RIMBP2: variants seen among roughly 807,000 people sequenced by gnomAD.
The protein encoded by RIMBP2 is RIMS-binding protein 2.
RIMBP2 carries 48 observed loss-of-function variants against 118.6 expected under a neutral mutation model. The ratio of observed to expected loss-of-function variants is 0.40; its 90% confidence interval spans 0.32 to 0.51. RIMBP2 has a LOEUF of 0.51. Among genes scored for constraint, RIMBP2 ranks in the 20% least tolerant of loss-of-function variants. The probability of loss-of-function intolerance (pLI) is 0.41; values close to 1 mark genes in which losing one functional copy is unlikely to be tolerated. For missense variants in RIMBP2, 1,551 were observed against 1,768.3 expected (o/e 0.88, Z 2.20); for synonymous variants, 762 against 742.9 (o/e 1.03, Z -0.42).
intron 1 of RIMBP2, among the ~76,000 whole-genome samples, chr12:130,697,799 G>A (rs920264618): frequency 2.6e-5 from 4 of 152,284 alleles, no homozygotes; most frequent in East Asian, 1.9e-4. Context: ...TCCAGCCTGG[G>A]CCACAAAGCA....
At chr12:130,548,161 C>T (rs113049990) in intron 2 of RIMBP2, among the ~76,000 whole-genome samples, 26 of 152,136 alleles carry the variant, frequency 1.7e-4, no homozygotes, top group African/African-American at 6.0e-4. Context: ...GACAAGAAGC[C>T]CACGGCTTGT....
In RIMBP2 at chr12:130,461,481, C is replaced by T. The variant is rs530748153; in HGVS notation, c.154-4781G>A. Among the ~76,000 whole-genome samples, 11 of 152,286 alleles carry T rather than the reference C, an allele frequency of 7.2e-5. No homozygotes were observed. In the East Asian group the frequency reaches 2.1e-3, roughly 30 times the overall value. On this transcript the variant is annotated intron_variant, in intron 6 of 22. Transcript: ENST00000690449. ...GCTAAAGCTTCTGGTTTCCCAGGAG[C>T]AGCAGGGCATTGTCCCCTCCACATC...
intron 3 of RIMBP2, among the ~76,000 whole-genome samples, chr12:130,508,035 G>T (rs1250296235): frequency 6.6e-6 from 1 of 152,138 alleles, no homozygotes; most frequent in Admixed American, 6.5e-5. Flanking sequence ...ATGCCATTTT[G>T]CTGCAACGTG....
At chr12:130,685,172 C>T (rs1197372438) in intron 1 of RIMBP2, among the ~76,000 whole-genome samples, 5 of 152,156 alleles carry the variant, frequency 3.3e-5, no homozygotes, top group African/African-American at 9.7e-5. Flanking sequence ...CTCTCTCTAG[C>T]CCCACTCTGC....
chr12:130,502,034 T>G (rs1007762054), intron 4 of RIMBP2, among the ~76,000 whole-genome samples: 1 of 152,142 alleles, frequency 6.6e-6, no homozygotes, highest in African/African-American at 2.4e-5. Flanking sequence ...CCTTATGAGG[T>G]CTTCCATGCC....
intron 1 of RIMBP2, among the ~76,000 whole-genome samples, chr12:130,658,988 T>TCCTCCAACATGCCAGCCTCCCTC (rs2063542219): frequency 6.6e-6 from 1 of 150,880 alleles, no homozygotes; most frequent in African/African-American, 2.5e-5. Context: ...CAACCTCCCT[T>TCCTCCAACATGCCAGCCTCCCTC]CCTCCACCAT....
chr12:130,402,543 G>T (rs2074721370), intron 21 of RIMBP2, among the ~76,000 whole-genome samples: 1 of 152,112 alleles, frequency 6.6e-6, no homozygotes, highest in Admixed American at 6.5e-5. Context: ...ACCCTTTACA[G>T]AATAACTTTC....
At chr12:130,574,404 C>T (rs1177869098) in intron 2 of RIMBP2, among the ~76,000 whole-genome samples, 1 of 152,092 alleles carries the variant, frequency 6.6e-6, no homozygotes, top group African/African-American at 2.4e-5. Flanking sequence ...CCTAAGAAAA[C>T]CCCCCACAAC....
chr12:130,459,290 A>G (rs1277728361), intron 6 of RIMBP2, among the ~76,000 whole-genome samples: 1 of 144,422 alleles, frequency 6.9e-6, no homozygotes, highest in Non-Finnish European at 1.5e-5. Context: ...GCTATATACG[A>G]AAAAAAAAAA....
At chr12:130,664,469 A>ACACGCACG (rs1566439434) in intron 1 of RIMBP2, among the ~76,000 whole-genome samples, 1 of 150,232 alleles carries the variant, frequency 6.7e-6, no homozygotes, top group Non-Finnish European at 1.5e-5. Context: ...ACGCACACAC[A>ACACGCACG]CGCACGCACA....
chr12:130,446,432 C>G lies in RIMBP2; in HGVS notation c.582-1163G>C, dbSNP rs1254834361. Reference sequence around the variant, plus strand: ...TGCCCAAAGTCACAAGCTTATGAATCGGTGGAAGGGGAACCAGAGCTGAGA... The same window carrying G: ...TGCCCAAAGTCACAAGCTTATGAATGGGTGGAAGGGGAACCAGAGCTGAGA... On this transcript the variant is annotated intron_variant, in intron 9 of 22. Transcript: ENST00000690449. This position sits in a 1 kb window ranked among gnomAD's most constrained non-coding sequence, Gnocchi z 4.1. 2.0e-5 allele frequency among the ~76,000 whole-genome samples: 3 copies of G among 152,196 alleles called. No individual in the cohort carries two copies. The highest frequency in any genetic ancestry group is 4.4e-5 in the Non-Finnish European group (3 of 68,042).
At chr12:130,492,052 C>T (rs945523047) in intron 4 of RIMBP2, among the ~76,000 whole-genome samples, 1 of 152,164 alleles carries the variant, frequency 6.6e-6, no homozygotes, top group Non-Finnish European at 1.5e-5. Flanking sequence ...GCTGCCTTGC[C>T]TGAGCGAAGA....
At chr12:130,663,776 AC>A (rs1324224234) in intron 1 of RIMBP2, among the ~76,000 whole-genome samples, 2 of 151,818 alleles carry the variant, frequency 1.3e-5, no homozygotes, top group Non-Finnish European at 2.9e-5. Context: ...CTGACTGGCA[AC>A]CCTGCTTCTA....
intron 4 of RIMBP2, among the ~76,000 whole-genome samples, chr12:130,489,952 C>T (rs556965583): frequency 1.2e-3 from 179 of 151,926 alleles, no homozygotes; most frequent in Non-Finnish European, 1.9e-3. Flanking sequence ...GGTGAAACCC[C>T]GTCTCTACTA....
chr12:130,653,456 C>T lies in RIMBP2; in HGVS notation c.-351-25000G>A, dbSNP rs951382585. The stretch of plus-strand genomic sequence containing the variant: ...CTGTGGCTTTGCAGGGTGCAGCTCC[C>T]ACGGCTGCTCTCACAGGTTAGAGTT... On this transcript the variant is annotated intron_variant, in intron 1 of 22. Transcript: ENST00000690449. 3.9e-5 allele frequency among the ~76,000 whole-genome samples: 6 copies of T among 152,368 alleles called. No individual in the cohort carries two copies. In the South Asian group the frequency reaches 8.3e-4, roughly 21 times the overall value.
intron 1 of RIMBP2, among the ~76,000 whole-genome samples, chr12:130,708,974 A>G (rs1949698250): frequency 6.6e-6 from 1 of 152,180 alleles, no homozygotes; most frequent in African/African-American, 2.4e-5. Context: ...TCCATCTCTC[A>G]AAGACTATTG....
intron 2 of RIMBP2, among the ~76,000 whole-genome samples, chr12:130,587,829 TA>T (rs374788301): frequency 0.14 from 17,222 of 121,188 alleles, 1,175 homozygotes; most frequent in African/African-American, 0.2. Flanking sequence ...TAAAGTATAA[TA>T]AAAAAAAAAA....
intron 6 of RIMBP2, among the ~76,000 whole-genome samples, chr12:130,467,852 T>C (rs1280755727): frequency 6.6e-6 from 1 of 152,206 alleles, no homozygotes; most frequent in Non-Finnish European, 1.5e-5. Flanking sequence ...CCCGAGGCTG[T>C]GTCACAGGTG....
At chr12:130,445,323 C>A (rs1252273491) in intron 9 of RIMBP2, 54 bp from the exon 10 acceptor site, 7 of 1,317,152 alleles carry the variant, frequency 5.3e-6, no homozygotes, top group South Asian at 5.3e-5. Context: ...ACAGCCCGCA[C>A]CCCTGTCCGT....
Sources: allele counts gnomAD v4.1 joint callset (sites outside exome capture counted in the v4.1 genomes callset), GRCh38; gene constraint gnomAD v4.1.1; non-coding constraint Gnocchi (gnomAD v3.1); transcripts MANE v1.5; gene names NCBI Gene and HGNC (gene_info 2026-07-23, HGNC 2026-07-21).